DAPK2: variants seen among roughly 807,000 people sequenced by gnomAD.
DAPK2 encodes death-associated protein kinase 2.
DAPK2 carries 35 observed loss-of-function variants against 44.1 expected under a neutral mutation model. The observed-to-expected ratio is 0.79, with a 90% CI of 0.61 to 1.05. The LOEUF is 1.05. DAPK2 is among the 50% of genes least tolerant of loss of function. The pLI, the probability that DAPK2 is intolerant of heterozygous loss-of-function variation, is 0.00. For synonymous variants in DAPK2, 174 were observed against 182.6 expected (o/e 0.95, Z 0.38); for missense variants, 453 against 483.2 (o/e 0.94, Z 0.59).
chr15:63,945,613 G>A (rs1304050519), intron 3 of DAPK2, among the ~76,000 whole-genome samples: 2 of 152,158 alleles, frequency 1.3e-5, no homozygotes, highest in African/African-American at 4.8e-5. Flanking sequence ...CCCAAATAGA[G>A]CAGGGTGGTG....
At chr15:63,943,815 G>T (rs1199466551) in intron 3 of DAPK2, among the ~76,000 whole-genome samples, 1 of 152,196 alleles carries the variant, frequency 6.6e-6, no homozygotes, top group Non-Finnish European at 1.5e-5. Context: ...AGCAGAGGCT[G>T]CAGTGAGCTG....
rs28374068 is a variant in DAPK2 at position 63,980,024 on chromosome 15, G to A, written c.314+3509C>T. Among the ~76,000 whole-genome samples, 4,380 of 152,230 alleles carry A rather than the reference G, an allele frequency of 0.029. 210 individuals carry two copies. Among genetic ancestry groups the A allele is most frequent in the African/African-American group, 0.096 (3,986 of 41,516 alleles). ...GTTAGGGACAGTCTTGGAACGCTTG[G>A]GTCTTCTCCAATCTCATAAATTCTT... On this transcript the variant is annotated intron_variant, in intron 2 of 10. Transcript: ENST00000261891. The surrounding 1 kb of genome is among the most constrained non-coding windows in gnomAD (Gnocchi z 4.3).
At chr15:63,973,667 C>A (rs1408738865) in intron 2 of DAPK2, among the ~76,000 whole-genome samples, 1 of 151,988 alleles carries the variant, frequency 6.6e-6, no homozygotes, top group Admixed American at 6.6e-5. Flanking sequence ...GGAGTTGATG[C>A]TGGAATTAAT....
intron 1 of DAPK2, among the ~76,000 whole-genome samples, chr15:64,007,303 C>G (rs2079260183): frequency 6.6e-6 from 1 of 152,032 alleles, no homozygotes; most frequent in Non-Finnish European, 1.5e-5. Context: ...CTTTCTCACT[C>G]TTCTCAAAAT....
chr15:63,942,330 T>G, intron 3 of DAPK2: 2 of 782,086 alleles, frequency 2.6e-6, no homozygotes, highest in Non-Finnish European at 3.1e-6. Context: ...GCAGGGGGTA[T>G]CACCTGAGGT....
intron 3 of DAPK2, among the ~76,000 whole-genome samples, chr15:63,951,244 AC>A (rs1335535759): frequency 1.3e-5 from 2 of 152,152 alleles, no homozygotes; most frequent in Non-Finnish European, 2.9e-5. Context: ...AGGGGAAGCT[AC>A]CAAATCCAAA....
At chr15:63,982,283 C>T (rs1870637) in intron 2 of DAPK2, among the ~76,000 whole-genome samples, 7,387 of 151,504 alleles carry the variant, frequency 0.049, 476 homozygotes, top group African/African-American at 0.15. Flanking sequence ...CTCCGCCTCC[C>T]GGGTTCAAGC....
chr15:63,917,902 T>C lies in DAPK2; in HGVS notation c.859-5705A>G, dbSNP rs888973915. On this transcript the variant is annotated intron_variant, in intron 8 of 10. Coordinates refer to ENST00000261891, the Ensembl canonical transcript of DAPK2. This position sits in a 1 kb window ranked among gnomAD's most constrained non-coding sequence, Gnocchi z 4.4. ...GGAAGCTCTATTTTATCACTCACCA[T>C]AGCTTTTCCAATCTAGTTGGCTGGG... The C allele has an allele frequency of 6.6e-6, 1 of 152,252 alleles. No individual in the cohort carries two copies. The highest frequency in any genetic ancestry group is 1.5e-5 in the Non-Finnish European group (1 of 68,046). 9.4% of individuals were successfully genotyped at this position (152,252 alleles called of 1,614,324 possible).
upstream of DAPK2, among the ~76,000 whole-genome samples, chr15:64,044,763 A>G (rs553330340): frequency 1.3e-5 from 2 of 152,318 alleles, no homozygotes; most frequent in South Asian, 4.1e-4. Context: ...TCACTCTGCA[A>G]AGTGAACTCT....
At chr15:63,970,762 CA>C (rs1285407058) in intron 3 of DAPK2, among the ~76,000 whole-genome samples, 1 of 152,230 alleles carries the variant, frequency 6.6e-6, no homozygotes, top group Non-Finnish European at 1.5e-5. Context: ...TCAGTCTATG[CA>C]ACTGAGCTCA....
At chr15:63,967,829 G>T (rs1188723637) in intron 3 of DAPK2, among the ~76,000 whole-genome samples, 2 of 152,180 alleles carry the variant, frequency 1.3e-5, no homozygotes, top group African/African-American at 4.8e-5. Flanking sequence ...CTGAAGAGAG[G>T]TTGTTCACAT....
chr15:64,010,980 G>C lies in DAPK2; in HGVS notation c.93-27226C>G, dbSNP rs866436851. Among the ~76,000 whole-genome samples, 34 of 152,296 alleles carry C rather than the reference G, an allele frequency of 2.2e-4. 1 individual carries two copies. Among genetic ancestry groups the C allele is most frequent in the African/African-American group, 7.9e-4 (33 of 41,560 alleles). The stretch of plus-strand genomic sequence containing the variant: ...TGTGGAGGTGGCTGACTCATTCTGT[G>C]GTCTCCTGTCTGGGGACATAGCAAC... On this transcript the variant is annotated intron_variant, in intron 1 of 10. Transcript: ENST00000261891.
intron 5 of DAPK2, 140 bp downstream of exon 6, chr15:63,930,267 G>T: frequency 1.1e-6 from 1 of 870,612 alleles, no homozygotes. Context: ...CTAACACATC[G>T]GGGGAGCAGC....
intron 1 of DAPK2, among the ~76,000 whole-genome samples, chr15:64,037,842 C>A (rs572853851): frequency 1.5e-4 from 23 of 152,316 alleles, no homozygotes; most frequent in African/African-American, 5.5e-4. Context: ...CCTAGGACAT[C>A]TGACCACTCC....
chr15:64,014,915 G>A (rs1235679071), intron 1 of DAPK2, among the ~76,000 whole-genome samples: 1 of 135,254 alleles, frequency 7.4e-6, no homozygotes, highest in Non-Finnish European at 1.6e-5. Context: ...GTGAAAGAGC[G>A]AGACTCCATC....
intron 1 of DAPK2, among the ~76,000 whole-genome samples, chr15:63,994,449 GGA>G (rs1278920359): frequency 8.0e-5 from 9 of 112,568 alleles, no homozygotes; most frequent in African/African-American, 3.2e-4. Context: ...AAGGAAGGAA[GGA>G]AGGAAGGAAG....
intron 2 of DAPK2, among the ~76,000 whole-genome samples, chr15:63,978,428 T>A (rs1287744635): frequency 6.6e-6 from 1 of 152,176 alleles, no homozygotes; most frequent in Admixed American, 6.5e-5. Context: ...AAGTCTGGGG[T>A]TGAGGGAGGA....
intron 8 of DAPK2, chr15:63,919,000 CTG>C (rs2079002486): frequency 6.6e-6 from 1 of 152,326 alleles, no homozygotes; most frequent in Admixed American, 6.5e-5. Flanking sequence ...GCCCTCCACA[CTG>C]TTGTAAAAAG....
chr15:63,971,665 C>T (rs551519870), intron 2 of DAPK2, 104 bp from the exon 4 acceptor site: 3 of 1,232,950 alleles, frequency 2.4e-6, no homozygotes, highest in South Asian at 2.9e-5. Flanking sequence ...CCCCCAGGGA[C>T]CTTGTATGGC....
Sources: allele counts gnomAD v4.1 joint callset (sites outside exome capture counted in the v4.1 genomes callset), GRCh38; gene constraint gnomAD v4.1.1; non-coding constraint Gnocchi (gnomAD v3.1); transcripts MANE v1.5; gene names NCBI Gene and HGNC (gene_info 2026-07-23, HGNC 2026-07-21).